Variants in ZNF83 observed in about 807,000 individuals in gnomAD.
ZNF83 encodes the protein zinc finger protein 83.
For synonymous variants in ZNF83, 209 were observed against 213.0 expected (o/e 0.98, Z 0.17); for missense variants, 552 against 629.9 (o/e 0.88, Z 1.32).
chr19:52,685,620 G>A (rs1159544070), intron 1 of ZNF83, among the ~76,000 whole-genome samples: 1 of 152,100 alleles, frequency 6.6e-6, no homozygotes, highest in Non-Finnish European at 1.5e-5. Flanking sequence ...TGGGTGGTCA[G>A]GCACGGTAGC....
chr19:52,619,091 G>A, intron 2 of ZNF83: 4 of 1,610,630 alleles, frequency 2.5e-6, no homozygotes, highest in Non-Finnish European at 2.5e-6. Flanking sequence ...TTAACCAAAT[G>A]GTTATGGGAG....
chr19:52,613,570 A>G, exon 3 of ZNF83: 1 of 1,613,810 alleles, frequency 6.2e-7, no homozygotes. Flanking sequence ...GTGATTTACT[A>G]GGGATGACTT....
intron 1 of ZNF83, among the ~76,000 whole-genome samples, chr19:52,681,148 G>A (rs1445359909): frequency 6.6e-6 from 1 of 151,550 alleles, no homozygotes; most frequent in Non-Finnish European, 1.5e-5. Context: ...AGCCAGGCAT[G>A]GTGGCAGGCA....
chr19:52,618,775 G>A (rs751995913), intron 2 of ZNF83: 2 of 1,236,492 alleles, frequency 1.6e-6, no homozygotes, highest in Admixed American at 2.7e-5. Context: ...TCTAAAAAAG[G>A]GGACAGTGAA....
intron 2 of ZNF83, chr19:52,617,501 C>G (rs964273710): frequency 6.8e-6 from 1 of 147,298 alleles, no homozygotes. Flanking sequence ...GAGGCCCAGG[C>G]AGGTGGATCA....
intron 2 of ZNF83, among the ~76,000 whole-genome samples, chr19:52,633,666 TC>T (rs1372043864): frequency 2.0e-5 from 3 of 152,116 alleles, no homozygotes; most frequent in Non-Finnish European, 2.9e-5. Flanking sequence ...TTCCAGCACT[TC>T]GGGAGGCCCA....
intron 3 of ZNF83, among the ~76,000 whole-genome samples, chr19:52,644,147 T>G (rs1261659737): frequency 2.0e-5 from 3 of 151,822 alleles, no homozygotes. Context: ...GGTCTCTGTG[T>G]CTGAGTCTAC....
intron 3 of ZNF83, chr19:52,653,273 G>A: frequency 1.4e-6 from 2 of 1,462,360 alleles, no homozygotes; most frequent in Non-Finnish European, 1.9e-6. Flanking sequence ...CATGCAAGGT[G>A]TGCTTTTTGA....
intron 3 of ZNF83, among the ~76,000 whole-genome samples, chr19:52,644,716 A>G (rs2061350748): frequency 6.6e-6 from 1 of 152,188 alleles, no homozygotes; most frequent in Non-Finnish European, 1.5e-5. Flanking sequence ...AATGTTTTCA[A>G]TCAAGAATAC....
chr19:52,641,175 G>C (rs191043722), upstream of ZNF83, among the ~76,000 whole-genome samples: 473 of 151,330 alleles, frequency 3.1e-3, 2 homozygotes, highest in African/African-American at 0.01. Context: ...CCCCAGTCTT[G>C]TTCCAGGCAC....
At chr19:52,639,414 T>TTTTTTTC (rs777054409), upstream of ZNF83, among the ~76,000 whole-genome samples, 2 of 85,138 alleles carry the variant, frequency 2.3e-5, no homozygotes, top group Admixed American at 1.4e-4. Context: ...TAGTTTTTTC[T>TTTTTTTC]ATTTTTTTTT....
intron 3 of ZNF83, chr19:52,651,578 G>C (rs1415226861): frequency 6.6e-6 from 1 of 152,324 alleles, no homozygotes; most frequent in Non-Finnish European, 1.5e-5. Context: ...AGCTACTTGG[G>C]AGGCTTAGAA....
chr19:52,664,184 A>AT (rs57600625), intron 1 of ZNF83, among the ~76,000 whole-genome samples: 2,040 of 141,826 alleles, frequency 0.014, 20 homozygotes, highest in Non-Finnish European at 0.019. Flanking sequence ...CACCAGGCCT[A>AT]TTTTTTTTTT....
intron 2 of ZNF83, among the ~76,000 whole-genome samples, chr19:52,633,226 GAAC>G (rs947316953): frequency 4.7e-5 from 7 of 148,946 alleles, no homozygotes; most frequent in Non-Finnish European, 8.9e-5. Context: ...GCCCACCAGA[GAAC>G]AACCCCCCTT....
intron 2 of ZNF83, among the ~76,000 whole-genome samples, chr19:52,631,377 C>T (rs2060953271): frequency 6.6e-6 from 1 of 152,190 alleles, no homozygotes; most frequent in Non-Finnish European, 1.5e-5. Context: ...TCTGTCCAAA[C>T]AACTTGACCT....
intron 1 of ZNF83, chr19:52,636,936 G>A (rs1042063687): frequency 6.6e-6 from 1 of 152,600 alleles, no homozygotes; most frequent in Non-Finnish European, 1.5e-5. Flanking sequence ...GGGATTACAG[G>A]CGTAAGCCAC....
In ZNF83 at chr19:52,658,191, GA is replaced by G. The variant is rs143208626; in HGVS notation, c.-200-2505del. Among the ~76,000 whole-genome samples the G allele has an allele frequency of 7.3e-3, 1,071 of 147,124 alleles. 14 individuals carry two copies. Among genetic ancestry groups the G allele is most frequent in the African/African-American group, 0.026 (1,023 of 40,020 alleles). On this transcript the variant is annotated intron_variant, in intron 2 of 5. Transcript: ENST00000594682. Reference sequence around the variant, plus strand: ...AAAAGAAACAACAACAAAGAATAAAGAAAAATGAAGGGAGTCTAAACAGACT... The same window carrying G: ...AAAAGAAACAACAACAAAGAATAAAGAAAATGAAGGGAGTCTAAACAGACT...
At chr19:52,683,625 A>G (rs937599474) in intron 1 of ZNF83, among the ~76,000 whole-genome samples, 8 of 152,110 alleles carry the variant, frequency 5.3e-5, no homozygotes, top group African/African-American at 1.9e-4. Flanking sequence ...CACACAGATG[A>G]CAAAAATGGA....
Position 52,665,652 on chromosome 19 carries a change from T to A in ZNF83, c.-282-4809A>T, listed in dbSNP as rs138880839. Among the ~76,000 whole-genome samples, 336 of 152,230 alleles carry A rather than the reference T, an allele frequency of 2.2e-3. 2 individuals are homozygous for A. Among genetic ancestry groups the A allele is most frequent in the African/African-American group, 7.0e-3 (290 of 41,548 alleles). On this transcript the variant is annotated intron_variant, in intron 1 of 5. Coordinates refer to the ZNF83 transcript ENST00000594682. ...TGAGTAATTCTCCAACCTGACTCAT[T>A]CCATAATCATTTTTCCCACCAAACC...
Sources: allele counts gnomAD v4.1 joint callset (sites outside exome capture counted in the v4.1 genomes callset), GRCh38; gene constraint gnomAD v4.1.1; transcripts MANE v1.5; gene names NCBI Gene and HGNC (gene_info 2026-07-23, HGNC 2026-07-21).